Variants in MYO18B observed in about 807,000 individuals in gnomAD.
MYO18B encodes the protein unconventional myosin-XVIIIb.
MYO18B carries 204 observed loss-of-function variants against 273.0 expected under a neutral mutation model. That is an observed-to-expected ratio of 0.75 (90% confidence interval 0.67 to 0.84). The LOEUF is 0.84. Ranked by LOEUF, MYO18B falls within the 40% of genes least tolerant of loss-of-function variation. The pLI, the probability that MYO18B is intolerant of heterozygous loss-of-function variation, is 0.00. For missense variants in MYO18B, 3,212 were observed against 3,287.6 expected (o/e 0.98, Z 0.56); for synonymous variants, 1,330 against 1,305.7 (o/e 1.02, Z -0.40).
chr22:25,823,717 C>A (rs1274772549), intron 13 of MYO18B, 39 bp downstream of exon 13: 1 of 1,605,100 alleles, frequency 6.2e-7, no homozygotes, highest in South Asian at 1.1e-5. Context: ...CTGGGCCCCC[C>A]TCTGGGCCAG....
intron 39 of MYO18B, among the ~76,000 whole-genome samples, chr22:25,986,596 C>T (rs904805828): frequency 2.6e-5 from 4 of 152,112 alleles, no homozygotes; most frequent in Admixed American, 6.6e-5. Flanking sequence ...TTATTTAACA[C>T]GTATTTATTA....
intron 20 of MYO18B, among the ~76,000 whole-genome samples, chr22:25,849,525 C>T (rs1237291627): frequency 2.0e-5 from 3 of 152,076 alleles, no homozygotes; most frequent in Non-Finnish European, 2.9e-5. Flanking sequence ...CTCATGCATG[C>T]TATTGAGTAC....
chr22:25,930,191 G>T (rs888645164), intron 34 of MYO18B, among the ~76,000 whole-genome samples: 3 of 152,088 alleles, frequency 2.0e-5, no homozygotes, highest in Non-Finnish European at 4.4e-5. Flanking sequence ...GAGCCCTCTT[G>T]GTCCTCCATG....
intron 12 of MYO18B, 105 bp downstream of exon 12, chr22:25,798,202 CCTT>C: frequency 7.4e-7 from 1 of 1,354,034 alleles, no homozygotes; most frequent in South Asian, 1.5e-5. Flanking sequence ...CAATCTGTCA[CCTT>C]CTATGTCTCT....
intron 39 of MYO18B, among the ~76,000 whole-genome samples, chr22:25,965,608 G>A (rs538977447): frequency 7.0e-4 from 107 of 152,228 alleles, no homozygotes; most frequent in Non-Finnish European, 1.3e-3. Flanking sequence ...GCACAGTAGC[G>A]CATCATTATA....
chr22:25,962,656 C>T (rs539150013), intron 39 of MYO18B, among the ~76,000 whole-genome samples: 4 of 152,240 alleles, frequency 2.6e-5, no homozygotes, highest in East Asian at 1.9e-4. Context: ...AACTCTGACA[C>T]AAGATGGGAT....
intron 7 of MYO18B, among the ~76,000 whole-genome samples, chr22:25,774,909 C>T (rs1237947841): frequency 6.6e-6 from 1 of 152,244 alleles, no homozygotes; most frequent in Non-Finnish European, 1.5e-5. Flanking sequence ...TCTCTGTGTG[C>T]AGAGCCCGCC....
rs147869735 is a variant in MYO18B at position 26,030,092 on chromosome 22, C to T, written c.*13-351C>T. On this transcript the variant is annotated intron_variant, in intron 43 of 43. Transcript: ENST00000335473. ...ATCAAAATGTACCCATCTTCCTGGC[C>T]AGGCACAGTGGCTCATGCCCATAAT... 3.9e-3 allele frequency among the ~76,000 whole-genome samples: 596 copies of T among 152,270 alleles called. 3 individuals are homozygous for T. Among genetic ancestry groups the T allele is most frequent in the African/African-American group, 0.014 (582 of 41,550 alleles).
At chr22:25,951,388 C>G (rs1279080342) in intron 37 of MYO18B, among the ~76,000 whole-genome samples, 1 of 152,156 alleles carries the variant, frequency 6.6e-6, no homozygotes, top group Non-Finnish European at 1.5e-5. Context: ...TGAATTGAGA[C>G]CAGTCCTTAG....
chr22:25,851,471 C>T lies in MYO18B; in HGVS notation c.3777C>T (p.Gly1259=). 1 of 1,552,636 alleles carries T rather than the reference C, an allele frequency of 6.4e-7. No homozygotes were observed. Among genetic ancestry groups the T allele is most frequent in the Non-Finnish European group, 8.7e-7 (1 of 1,147,036 alleles). Reference sequence around the variant, plus strand: ...TCCTGCCTGCTCCTACCTCCCTAGGCTATGCTGACCACATGGGGCTCACTC... The same window carrying T: ...TCCTGCCTGCTCCTACCTCCCTAGGTTATGCTGACCACATGGGGCTCACTC... ...ILEALRLHRT[G]YADHMGLTRF... Residue 1259 remains glycine, a splice_region_variant and synonymous_variant, in exon 21 of 44, where the codon GGC becomes GGT. Transcript: ENST00000335473.
chr22:25,768,973 A>G lies in MYO18B; in HGVS notation c.1057A>G (p.Thr353Ala), dbSNP rs1272355526. ...SKAEKTGEPQTQMEKTSQVQG... is the reference protein window; with the variant it reads ...SKAEKTGEPQAQMEKTSQVQG... ...GGCAGAGAAGACAGGTGAGCCTCAG[A>G]CCCAGATGGAGAAGACAAGCCAAGT... Residue 353 changes from threonine (T) to alanine (A), a missense_variant, in exon 4 of 44, where the codon ACC becomes GCC. Coordinates refer to ENST00000335473, the MANE Select transcript of MYO18B (RefSeq NM_032608.7). 1 of 1,611,164 alleles carries G rather than the reference A, an allele frequency of 6.2e-7. No homozygotes were observed. The highest frequency in any genetic ancestry group is 2.2e-5 in the East Asian group (1 of 44,854).
rs182935491 is a variant in MYO18B, at chr22:25,882,928, C to A, written c.4314+4880C>A. Among the ~76,000 whole-genome samples the A allele has an allele frequency of 1.0e-3, 159 of 152,050 alleles. 2 individuals are homozygous for A. In the South Asian group the frequency reaches 0.024, roughly 23 times the overall value. ...TTTTTATTTTTTGAGACAGAATCTC[C>A]CTCTTTTGCCCAGGCTGGAATGCAG... On this transcript the variant is annotated intron_variant, in intron 25 of 43. Transcript: ENST00000335473.
intron 17 of MYO18B, among the ~76,000 whole-genome samples, chr22:25,837,414 T>C: frequency 6.6e-6 from 1 of 152,170 alleles, no homozygotes; most frequent in East Asian, 1.9e-4. Context: ...ATTGACCTTA[T>C]CAAATGCGGC....
intron 11 of MYO18B, among the ~76,000 whole-genome samples, chr22:25,793,765 G>A (rs750102590): frequency 6.6e-6 from 1 of 152,174 alleles, no homozygotes; most frequent in Non-Finnish European, 1.5e-5. Context: ...CAAATTACCT[G>A]AAGACTTTGA....
Position 25,835,390 on chromosome 22 carries a change from T to G in MYO18B, c.3155T>G (p.Val1052Gly). ...CATGTAGAGGGCTCCAGTGACAGTGTGGTGCTCGAGCGTCTGTGTGCTGCT... is the reference window on the plus strand; with the variant it reads ...CATGTAGAGGGCTCCAGTGACAGTGGGGTGCTCGAGCGTCTGTGTGCTGCT... ...EVHVEGSSDS[V>G]VLERLCAAFE... is the part of the protein sequence containing the mutation. Residue 1052 changes from valine (V) to glycine (G), a missense_variant, in exon 17 of 44, where the codon GTG (valine) becomes GGG (glycine). Val to Gly is a moderately radical substitution (Grantham distance 109). Transcript: ENST00000335473. 1 of 1,613,936 alleles carries G rather than the reference T, an allele frequency of 6.2e-7. No homozygotes were observed. Among genetic ancestry groups the G allele is most frequent in the Non-Finnish European group, 8.5e-7 (1 of 1,179,868 alleles).
the MYO18B span, among the ~76,000 whole-genome samples, chr22:26,058,580 T>C: frequency 6.6e-6 from 1 of 152,114 alleles, no homozygotes; most frequent in Non-Finnish European, 1.5e-5. Flanking sequence ...CAATGGGAAG[T>C]GTTAGGGTCA....
At chr22:25,777,931 T>C in intron 8 of MYO18B, 150 bp downstream of exon 8, 1 of 646,832 alleles carries the variant, frequency 1.5e-6, no homozygotes, top group Non-Finnish European at 2.4e-6. Flanking sequence ...GGCAGGGCTA[T>C]CCCTAGGTCA....
intron 39 of MYO18B, among the ~76,000 whole-genome samples, chr22:25,971,917 A>G (rs1310385058): frequency 6.6e-6 from 1 of 152,108 alleles, no homozygotes; most frequent in Non-Finnish European, 1.5e-5. Flanking sequence ...GCTGATACTC[A>G]TAGTTAAGAT....
chr22:26,010,846 G>T (rs529963591), intron 42 of MYO18B, among the ~76,000 whole-genome samples: 2 of 152,214 alleles, frequency 1.3e-5, no homozygotes, highest in African/African-American at 4.8e-5. Context: ...CAGTGAAAGT[G>T]GAGTTTTGGT....
Sources: allele counts gnomAD v4.1 joint callset (sites outside exome capture counted in the v4.1 genomes callset), GRCh38; gene constraint gnomAD v4.1.1; transcripts MANE v1.5; gene names NCBI Gene and HGNC (gene_info 2026-07-23, HGNC 2026-07-21).